CCDC81: variants seen among roughly 807,000 people sequenced by gnomAD.
The protein encoded by CCDC81 is coiled-coil domain-containing protein 81.
Under a neutral mutation model 83.7 loss-of-function variants are expected in CCDC81, and 79 were observed. The observed-to-expected ratio is 0.94, with a 90% CI of 0.79 to 1.14. CCDC81 has a LOEUF of 1.14. Among genes scored for constraint, CCDC81 ranks in the 50% most tolerant of loss-of-function variants. The probability of loss-of-function intolerance (pLI) is 0.00; values close to 1 mark genes in which losing one functional copy is unlikely to be tolerated. For missense variants in CCDC81, 791 were observed against 778.1 expected, an observed-to-expected ratio of 1.02 and a Z score of -0.20; for synonymous variants, 252 against 278.1, an observed-to-expected ratio of 0.91 and a Z score of 0.93.
chr11:86,405,790 T>C (rs1335524098), intron 7 of CCDC81, among the ~76,000 whole-genome samples: 2 of 149,806 alleles, frequency 1.3e-5, no homozygotes, highest in Middle Eastern at 3.2e-3. Context: ...TTTTTCTTTT[T>C]TTTTTTTTTT....
Position 86,395,372 on chromosome 11 carries a change from G to A in CCDC81, c.594G>A (p.Glu198=). 2.5e-6 allele frequency: 4 copies of A among 1,614,100 alleles called. No individual in the cohort carries two copies. Among genetic ancestry groups the A allele is most frequent in the Non-Finnish European group, 3.4e-6 (4 of 1,179,992 alleles). The part of the protein sequence containing the change: ...GTVDSVLSSR[E]ALRKWPSSVL... ...TGGACTCGGTGTTGTCTAGCAGAGAGGCCTTGAGGAAGTGGCCCAGCAGTG... is the reference window on the plus strand; with the variant it reads ...TGGACTCGGTGTTGTCTAGCAGAGAAGCCTTGAGGAAGTGGCCCAGCAGTG... The change falls in exon 5 of 15, where the codon GAG becomes GAA. Residue 198 remains glutamate, a synonymous_variant. Coordinates refer to ENST00000445632, the MANE Select transcript of CCDC81 (RefSeq NM_001156474.2).
intron 7 of CCDC81, among the ~76,000 whole-genome samples, chr11:86,404,363 C>A (rs770062052): frequency 3.3e-5 from 5 of 152,196 alleles, no homozygotes; most frequent in Non-Finnish European, 5.9e-5. Flanking sequence ...CTATGCCCAT[C>A]CATTTGCATA....
At chr11:86,378,552 T>A (rs2138485527) in intron 1 of CCDC81, among the ~76,000 whole-genome samples, 1 of 152,362 alleles carries the variant, frequency 6.6e-6, no homozygotes, top group South Asian at 2.1e-4. Context: ...GATCTGTTCA[T>A]TTCTGATAGG....
intron 3 of CCDC81, among the ~76,000 whole-genome samples, chr11:86,388,061 T>C (rs1372350044): frequency 6.6e-6 from 1 of 152,232 alleles, no homozygotes; most frequent in Non-Finnish European, 1.5e-5. Flanking sequence ...AAGATAACTG[T>C]CTTTCTATCA....
intron 3 of CCDC81, among the ~76,000 whole-genome samples, chr11:86,391,533 T>G (rs764275112): frequency 1.3e-5 from 2 of 152,206 alleles, no homozygotes; most frequent in Non-Finnish European, 2.9e-5. Flanking sequence ...TGTGCTTCTT[T>G]CAAGCTAGAT....
At chr11:86,405,387 T>C (rs1340148230) in intron 7 of CCDC81, among the ~76,000 whole-genome samples, 1 of 152,248 alleles carries the variant, frequency 6.6e-6, no homozygotes, top group Non-Finnish European at 1.5e-5. Context: ...TATTATTTCA[T>C]GTGTGTCTCT....
intron 7 of CCDC81, among the ~76,000 whole-genome samples, chr11:86,402,911 T>C (rs1948512582): frequency 6.6e-6 from 1 of 152,086 alleles, no homozygotes; most frequent in South Asian, 2.1e-4. Context: ...TGATCATGGC[T>C]CACTGCAGCC....
intron 1 of CCDC81, among the ~76,000 whole-genome samples, chr11:86,376,399 C>T (rs1373431758): frequency 2.0e-5 from 3 of 152,176 alleles, no homozygotes; most frequent in African/African-American, 4.8e-5. Context: ...AATTGACTCA[C>T]AGTTCTTCAT....
chr11:86,380,497 C>T (rs933917053), intron 1 of CCDC81, among the ~76,000 whole-genome samples: 5 of 152,156 alleles, frequency 3.3e-5, no homozygotes, highest in South Asian at 4.1e-4. Flanking sequence ...TCATGTCTGA[C>T]ATTAGAGGGA....
chr11:86,385,824 T>C (rs999383405), intron 1 of CCDC81, among the ~76,000 whole-genome samples: 2 of 152,158 alleles, frequency 1.3e-5, no homozygotes, highest in Admixed American at 6.5e-5. Context: ...AAATGTATTA[T>C]TATTATTATT....
At chr11:86,389,358 T>G (rs1200241526) in intron 3 of CCDC81, among the ~76,000 whole-genome samples, 1 of 152,292 alleles carries the variant, frequency 6.6e-6, no homozygotes, top group African/African-American at 2.4e-5. Context: ...ATTAACTAGG[T>G]AACTGTATTA....
Position 86,397,660 on chromosome 11 carries a change from G to A in CCDC81, c.675G>A (p.Glu225=). The A allele has an allele frequency of 6.2e-7, 1 of 1,613,646 alleles. No homozygotes were observed. Among genetic ancestry groups the A allele is most frequent in the Non-Finnish European group, 8.5e-7 (1 of 1,179,812 alleles). ...AGATGGAAAACAAACTGCCTATGGA[G>A]ACCCTTGTAGAAGAATGTGGAGAGA... ...LKEMENKLPM[E]TLVEECGENR... The change falls in exon 6 of 15, where the codon GAG becomes GAA. Residue 225 remains glutamate, a synonymous_variant. Coordinates refer to ENST00000445632, the MANE Select transcript of CCDC81 (RefSeq NM_001156474.2).
intron 5 of CCDC81, among the ~76,000 whole-genome samples, chr11:86,397,193 AAAG>A (rs1384826467): frequency 5.3e-5 from 8 of 152,282 alleles, no homozygotes; most frequent in Admixed American, 5.2e-4. Flanking sequence ...GTGAAGTGGC[AAAG>A]GAGGGAGGAG....
intron 6 of CCDC81, among the ~76,000 whole-genome samples, chr11:86,399,024 T>C (rs941833097): frequency 1.3e-5 from 2 of 152,244 alleles, no homozygotes; most frequent in African/African-American, 4.8e-5. Flanking sequence ...CTATATGTGC[T>C]ACTAAAGTGA....
chr11:86,412,905 G>A (rs530221529), intron 11 of CCDC81, among the ~76,000 whole-genome samples: 1 of 152,284 alleles, frequency 6.6e-6, no homozygotes, highest in Admixed American at 6.5e-5. Flanking sequence ...TGCTCTTTTA[G>A]TTTAGCCATC....
chr11:86,409,215 G>A (rs1593934795), intron 9 of CCDC81, 46 bp from the exon 10 acceptor site: 1 of 1,006,686 alleles, frequency 9.9e-7, no homozygotes, highest in Non-Finnish European at 1.4e-6. Context: ...ACTTCAATAT[G>A]TAATTTAAAA....
At chr11:86,418,266 A>C (rs977452275) in intron 13 of CCDC81, among the ~76,000 whole-genome samples, 2 of 152,234 alleles carry the variant, frequency 1.3e-5, no homozygotes, top group African/African-American at 4.8e-5. Context: ...GCAAACATAA[A>C]ATGGTACAGT....
At chr11:86,376,519 A>G (rs994610752) in intron 1 of CCDC81, among the ~76,000 whole-genome samples, 5 of 152,178 alleles carry the variant, frequency 3.3e-5, no homozygotes, top group African/African-American at 1.2e-4. Flanking sequence ...ACCAGGGGAA[A>G]CTGCCATTTA....
At chr11:86,412,733 G>A (rs150255408) in intron 11 of CCDC81, among the ~76,000 whole-genome samples, 174 bp downstream of exon 11, 617 of 152,278 alleles carry the variant, frequency 4.1e-3, no homozygotes, top group Non-Finnish European at 6.7e-3. Context: ...CGTCCCCCTC[G>A]CAGGGCATGC....
Sources: allele counts gnomAD v4.1 joint callset (sites outside exome capture counted in the v4.1 genomes callset), GRCh38; gene constraint gnomAD v4.1.1; transcripts MANE v1.5; gene names NCBI Gene and HGNC (gene_info 2026-07-23, HGNC 2026-07-21).